CYP11A1: variants seen among roughly 807,000 people sequenced by gnomAD.
CYP11A1 encodes the protein cholesterol side-chain cleavage enzyme, mitochondrial.
Under a neutral mutation model 51.9 loss-of-function variants are expected in CYP11A1, and 25 were observed. That is an observed-to-expected ratio of 0.48 (90% CI 0.35 to 0.67). CYP11A1 has a LOEUF of 0.67. CYP11A1 is among the 30% of genes least tolerant of loss of function. CYP11A1 has a pLI of 0.00. For missense variants in CYP11A1, 578 were observed against 680.9 expected (o/e 0.85, Z 1.68); for synonymous variants, 245 against 262.1 (o/e 0.93, Z 0.63).
chr15:74,362,586 C>T (rs2141246207), intron 1 of CYP11A1: 1 of 153,688 alleles, frequency 6.5e-6, no homozygotes, highest in Admixed American at 6.5e-5. Context: ...AGAAGGGCCC[C>T]TCCATGCTCT....
At chr15:74,361,972 C>T (rs759222134) in intron 1 of CYP11A1, 27 of 1,273,422 alleles carry the variant, frequency 2.1e-5, no homozygotes, top group Non-Finnish European at 3.1e-5. Context: ...TTGTGGAGGC[C>T]ACGGAGCGCT....
intron 1 of CYP11A1, chr15:74,361,535 G>A (rs2060708847): frequency 5.9e-6 from 4 of 676,458 alleles, no homozygotes; most frequent in East Asian, 6.6e-5. Flanking sequence ...GCCACCAGGA[G>A]CCCTGTACTA....
At chr15:74,357,395 G>T (rs994937598) in intron 1 of CYP11A1, among the ~76,000 whole-genome samples, 1 of 152,100 alleles carries the variant, frequency 6.6e-6, no homozygotes. Flanking sequence ...TGCTCTCCCT[G>T]CTGATCACGT....
chr15:74,367,460 G>C lies in CYP11A1; in HGVS notation c.126C>G (p.Thr42=), dbSNP rs183457466. ...TCTCATTGAAGGGGCGAGGACTGCG[G>C]GTGGAGATGCCAGCTCCCTCGCCAG... ...VPTGEGAGIS[T]RSPRPFNEIP... Residue 42 remains threonine, a synonymous_variant, in exon 1 of 9, where the codon ACC becomes ACG. Coordinates refer to ENST00000268053, the MANE Select transcript of CYP11A1 (RefSeq NM_000781.3). 1.9e-6 allele frequency: 3 copies of C among 1,614,236 alleles called. No individual in the cohort carries two copies. Among genetic ancestry groups the C allele is most frequent in the African/African-American group, 2.7e-5 (2 of 75,054 alleles).
chr15:74,357,899 T>C (rs944331084), intron 1 of CYP11A1, among the ~76,000 whole-genome samples: 3 of 152,240 alleles, frequency 2.0e-5, no homozygotes, highest in Non-Finnish European at 2.9e-5. Flanking sequence ...TCACACCTGA[T>C]GCATATACTT....
intron 1 of CYP11A1, chr15:74,362,211 G>A: frequency 2.2e-6 from 1 of 460,520 alleles, no homozygotes; most frequent in Non-Finnish European, 3.8e-6. Context: ...TTATGATTAT[G>A]AAATAAAAAC....
At chr15:74,365,453 C>G (rs1447418444) in intron 1 of CYP11A1, 1 of 157,648 alleles carries the variant, frequency 6.3e-6, no homozygotes, top group Non-Finnish European at 1.4e-5. Context: ...GGTGACCTCT[C>G]TGAGCCTCAG....
chr15:74,348,742 T>C lies in CYP11A1; in HGVS notation c.270-687A>G, dbSNP rs2060643121. Among the ~76,000 whole-genome samples, 3 of 152,160 alleles carry C rather than the reference T, an allele frequency of 2.0e-5. No homozygotes were observed. In the South Asian group the frequency reaches 6.2e-4, roughly 31 times the overall value. On this transcript the variant is annotated intron_variant, in intron 1 of 8. Transcript: ENST00000268053. ...ATTAAATACAACTGGGTTTTTGTTG[T>C]TATTGTTGTTTTGAGACAGGGTCTC...
rs1481295481 is a variant in CYP11A1, at chr15:74,345,249, A to C, written c.426-6T>G. The C allele has an allele frequency of 1.2e-6, 2 of 1,614,132 alleles. No individual in the cohort carries two copies. ...TCTTCCAGGCTGCCGACTTCCTGAGAAAACATGGGCCCACAAGCCCTCATG... is the reference window on the plus strand; with the variant it reads ...TCTTCCAGGCTGCCGACTTCCTGAGCAAACATGGGCCCACAAGCCCTCATG... On this transcript the variant is annotated splice_region_variant and splice_polypyrimidine_tract_variant and intron_variant, in intron 2 of 8. Coordinates refer to ENST00000268053, the MANE Select transcript of CYP11A1 (RefSeq NM_000781.3). The surrounding 1 kb of genome is among the most constrained non-coding windows in gnomAD (Gnocchi z 4.3).
intron 1 of CYP11A1, chr15:74,364,666 A>G (rs1164467756): frequency 2.0e-5 from 3 of 152,244 alleles, no homozygotes; most frequent in Non-Finnish European, 4.4e-5. Context: ...GACGCCAAGA[A>G]CCTGGACACC....
chr15:74,346,800 CT>C (rs1046360822), intron 2 of CYP11A1, among the ~76,000 whole-genome samples: 516 of 131,728 alleles, frequency 3.9e-3, no homozygotes, highest in South Asian at 6.2e-3. Flanking sequence ...CTTTTCTTTT[CT>C]TTTTTTTTTT....
chr15:74,345,272 A>G lies in CYP11A1; in HGVS notation c.426-29T>C, dbSNP rs749183607. 1 of 1,613,140 alleles carries G rather than the reference A, an allele frequency of 6.2e-7. No homozygotes were observed. The highest frequency in any genetic ancestry group is 1.7e-5 in the Admixed American group (1 of 60,016). On this transcript the variant is annotated intron_variant, in intron 2 of 8. Transcript: ENST00000268053. This position sits in a 1 kb window ranked among gnomAD's most constrained non-coding sequence, Gnocchi z 4.3. ...AGAAAACATGGGCCCACAAGCCCTC[A>G]TGGTCACAGACCCCAGGCCTGGTGA...
chr15:74,364,310 T>A (rs552665593), intron 1 of CYP11A1: 2 of 152,336 alleles, frequency 1.3e-5, no homozygotes, highest in South Asian at 4.1e-4. Flanking sequence ...TCCCTCTGCC[T>A]CCCATAAAGA....
At chr15:74,340,718 A>G (rs1394983391) in intron 5 of CYP11A1, among the ~76,000 whole-genome samples, 2 of 152,180 alleles carry the variant, frequency 1.3e-5, no homozygotes, top group African/African-American at 4.8e-5. Flanking sequence ...CTGAAACAAC[A>G]CACAGCTCCT....
In CYP11A1 at chr15:74,345,042, A is replaced by C; in HGVS notation, c.625+2T>G. ...CTGCCAGCCAGGTGCAAGCCCCCTT[A>C]CACTCAAAGGCAAAGCGGAACAGGT... On this transcript the variant is annotated splice_donor_variant, in intron 3 of 8. Coordinates refer to ENST00000268053, the MANE Select transcript of CYP11A1 (RefSeq NM_000781.3). LOFTEE classifies it high-confidence loss of function. This position sits in a 1 kb window ranked among gnomAD's most constrained non-coding sequence, Gnocchi z 4.3. 6.2e-7 allele frequency: 1 copy of C among 1,613,678 alleles called. No homozygotes were observed. The highest frequency in any genetic ancestry group is 8.5e-7 in the Non-Finnish European group (1 of 1,179,630).
chr15:74,363,495 TA>T (rs2060717965), intron 1 of CYP11A1: 1 of 152,198 alleles, frequency 6.6e-6, no homozygotes, highest in Admixed American at 6.5e-5. Context: ...CAGCCGTGAG[TA>T]AACTGTATCT....
chr15:74,343,740 C>G, intron 4 of CYP11A1, 49 bp downstream of exon 4: 1 of 1,536,196 alleles, frequency 6.5e-7, no homozygotes, highest in Non-Finnish European at 9.0e-7. Flanking sequence ...AAGGAGCCGG[C>G]TGAGGCCTGG....
chr15:74,339,128 C>T (rs2060593712), intron 7 of CYP11A1, 109 bp downstream of exon 7: 1 of 903,724 alleles, frequency 1.1e-6, no homozygotes, highest in Non-Finnish European at 1.8e-6. Flanking sequence ...ACTTAGACTG[C>T]TGCCATCAAG....
At chr15:74,342,395 C>A (rs999363742) in intron 5 of CYP11A1, among the ~76,000 whole-genome samples, 1 of 152,106 alleles carries the variant, frequency 6.6e-6, no homozygotes, top group African/African-American at 2.4e-5. Flanking sequence ...ACTGATTATT[C>A]TTAATATCCA....
Sources: gnomAD v4.1 joint callset for allele counts (sites outside exome capture counted in the v4.1 genomes callset) on GRCh38, gnomAD v4.1.1 for gene constraint, Gnocchi (gnomAD v3.1) non-coding constraint, MANE v1.5 for transcripts, NCBI Gene and HGNC (gene_info 2026-07-23, HGNC 2026-07-21) for gene names.